NALCN: variants seen among roughly 807,000 people sequenced by gnomAD.
NALCN encodes sodium leak channel, non-selective, also known as sodium leak channel NALCN.
NALCN carries 111 observed loss-of-function variants against 225.3 expected under a neutral mutation model. That is an observed-to-expected ratio of 0.49 (90% CI 0.42 to 0.58). The LOEUF (loss-of-function observed/expected upper bound fraction) is 0.58. Among genes scored for constraint, NALCN ranks in the 20% least tolerant of loss-of-function variants. NALCN has a pLI of 0.00. For synonymous variants in NALCN, 764 were observed against 769.0 expected (o/e 0.99, Z 0.11); for missense variants, 1,378 against 2,202.4 (o/e 0.63, Z 7.49).
chr13:101,411,289 G>C (rs1247686317), intron 1 of NALCN, among the ~76,000 whole-genome samples: 1 of 149,688 alleles, frequency 6.7e-6, no homozygotes, highest in Non-Finnish European at 1.5e-5. Flanking sequence ...TCTTTAAAAA[G>C]ATATTGAGTC....
intron 10 of NALCN, among the ~76,000 whole-genome samples, chr13:101,264,805 C>G (rs1464173108): frequency 6.6e-6 from 1 of 152,186 alleles, no homozygotes; most frequent in Non-Finnish European, 1.5e-5. Context: ...GGCTGCCAAC[C>G]TTGTCCCCAT....
At chr13:101,259,239 A>G (rs943139679) in intron 10 of NALCN, among the ~76,000 whole-genome samples, 1 of 152,158 alleles carries the variant, frequency 6.6e-6, no homozygotes, top group Non-Finnish European at 1.5e-5. Context: ...GGGATTGAAG[A>G]TGGACTCAAT....
intron 6 of NALCN, among the ~76,000 whole-genome samples, chr13:101,362,816 G>A (rs533517694): frequency 9.2e-5 from 14 of 152,108 alleles, no homozygotes; most frequent in African/African-American, 2.4e-4. Flanking sequence ...ATTTGCAGAC[G>A]ACATGATCTT....
At chr13:101,314,174 G>T (rs1427125078) in intron 7 of NALCN, among the ~76,000 whole-genome samples, 1 of 109,062 alleles carries the variant, frequency 9.2e-6, no homozygotes, top group Non-Finnish European at 1.8e-5. Context: ...GGTGGGGGGA[G>T]GGGGGAGGGA....
At chr13:101,291,395 A>G (rs2043546106) in intron 9 of NALCN, among the ~76,000 whole-genome samples, 1 of 152,200 alleles carries the variant, frequency 6.6e-6, no homozygotes, top group Non-Finnish European at 1.5e-5. Flanking sequence ...TGATGTCAGA[A>G]TCAAAGGTAT....
intron 7 of NALCN, among the ~76,000 whole-genome samples, chr13:101,301,761 T>C (rs17679023): frequency 0.17 from 25,884 of 150,424 alleles, 2,710 homozygotes; most frequent in East Asian, 0.34. Context: ...AACAAAACCC[T>C]ACGCTTTGCC....
intron 20 of NALCN, among the ~76,000 whole-genome samples, 170 bp downstream of exon 20, chr13:101,110,449 C>G (rs1348897113): frequency 6.6e-6 from 1 of 152,204 alleles, no homozygotes; most frequent in East Asian, 1.9e-4. Flanking sequence ...ACAGTTACTT[C>G]TGATACTTGG....
chr13:101,413,729 G>A lies in NALCN; in HGVS notation c.-40+2584C>T, dbSNP rs143577705. On this transcript the variant is annotated intron_variant, in intron 1 of 43. Coordinates refer to ENST00000251127, the MANE Select transcript of NALCN (RefSeq NM_052867.4). ...CATTCTATCATCTCTATCAACTTTG[G>A]TTACTTTAAAATTCAAAAAATCAAT... Among the ~76,000 whole-genome samples, 555 of 151,980 alleles carry A rather than the reference G, an allele frequency of 3.7e-3. 3 individuals are homozygous for A. Among genetic ancestry groups the A allele is most frequent in the African/African-American group, 0.012 (505 of 41,426 alleles).
intron 3 of NALCN, among the ~76,000 whole-genome samples, 182 bp from the exon 4 acceptor site, chr13:101,378,835 T>C (rs2046767001): frequency 6.6e-6 from 1 of 152,116 alleles, no homozygotes; most frequent in Admixed American, 6.6e-5. Context: ...AGAAAAATAA[T>C]TTATAAAAGA....
chr13:101,085,853 C>G (rs1231421399), intron 30 of NALCN, among the ~76,000 whole-genome samples: 1 of 152,132 alleles, frequency 6.6e-6, no homozygotes. Flanking sequence ...GAGATCTCAG[C>G]ATAGCTCTTT....
At chr13:101,199,633 A>G (rs1187749227) in intron 13 of NALCN, among the ~76,000 whole-genome samples, 4 of 113,826 alleles carry the variant, frequency 3.5e-5, no homozygotes, top group African/African-American at 1.4e-4. Flanking sequence ...GGAACATCAC[A>G]CACTGGGGCC....
intron 10 of NALCN, among the ~76,000 whole-genome samples, chr13:101,279,836 A>AAATAAAAT (rs547147370): frequency 3.4e-4 from 46 of 134,036 alleles, no homozygotes; most frequent in African/African-American, 9.0e-4. Flanking sequence ...ATAAATAAAT[A>AAATAAAAT]AAATAAATAA....
At chr13:101,056,076 G>A (rs1248786156) in intron 43 of NALCN, among the ~76,000 whole-genome samples, 1 of 152,082 alleles carries the variant, frequency 6.6e-6, no homozygotes, top group African/African-American at 2.4e-5. Flanking sequence ...GGTTACATGA[G>A]ATGACTTAGG....
At chr13:101,386,435 G>T (rs182830935) in intron 3 of NALCN, among the ~76,000 whole-genome samples, 2 of 152,166 alleles carry the variant, frequency 1.3e-5, no homozygotes, top group Non-Finnish European at 2.9e-5. Flanking sequence ...CCTTCTCCAA[G>T]GACAGAGATG....
intron 25 of NALCN, among the ~76,000 whole-genome samples, chr13:101,103,727 T>C (rs1195566689): frequency 6.6e-6 from 1 of 152,204 alleles, no homozygotes; most frequent in African/African-American, 2.4e-5. Context: ...ATTCTCCTTG[T>C]TGTCTCTGCA....
At chr13:101,180,382 T>TA (rs1489744762) in intron 14 of NALCN, 3 of 135,774 alleles carry the variant, frequency 2.2e-5, no homozygotes, top group Non-Finnish European at 5.0e-5. Context: ...CTTTTTTTTT[T>TA]TTTTTTATTT....
At chr13:101,116,566 C>G in intron 18 of NALCN, 1 of 515,322 alleles carries the variant, frequency 1.9e-6, no homozygotes, top group Middle Eastern at 3.2e-4. Context: ...TGTCCCAGAA[C>G]AAGGGTGTGG....
intron 14 of NALCN, among the ~76,000 whole-genome samples, chr13:101,181,663 G>C (rs1413163050): frequency 6.6e-6 from 1 of 151,950 alleles, no homozygotes; most frequent in Non-Finnish European, 1.5e-5. Flanking sequence ...GATTTCTTGA[G>C]CCTGGGAGGT....
chr13:101,185,600 C>T (rs996643130), intron 14 of NALCN, among the ~76,000 whole-genome samples: 3 of 152,144 alleles, frequency 2.0e-5, no homozygotes, highest in African/African-American at 7.2e-5. Context: ...AGAATACATA[C>T]CTGGCGGAAG....
Sources: gnomAD v4.1 joint callset for allele counts (sites outside exome capture counted in the v4.1 genomes callset) on GRCh38, gnomAD v4.1.1 for gene constraint, MANE v1.5 for transcripts, NCBI Gene and HGNC (gene_info 2026-07-23, HGNC 2026-07-21) for gene names.